Variants in WWOX observed in about 807,000 individuals in gnomAD.
WWOX encodes WW domain containing oxidoreductase.
A neutral mutation model predicts 46.2 loss-of-function variants in WWOX; 69 were observed. The ratio of observed to expected loss-of-function variants is 1.49; its 90% CI spans 1.23 to 1.82. The LOEUF (loss-of-function observed/expected upper bound fraction) is 1.82, where lower values mean the gene tolerates loss of function less well. WWOX is among the 40% of genes most tolerant of loss of function. The probability of loss-of-function intolerance (pLI) is 0.00; values close to 1 mark genes in which losing one functional copy is unlikely to be tolerated. For missense variants in WWOX, 919 were observed against 542.6 expected, an observed-to-expected ratio of 1.69 and a Z score of -6.89; for synonymous variants, 359 against 202.6, an observed-to-expected ratio of 1.77 and a Z score of -6.56.
At chr16:78,602,254 A>G (rs192259721) in intron 8 of WWOX, among the ~76,000 whole-genome samples, 1 of 152,124 alleles carries the variant, frequency 6.6e-6, no homozygotes, top group East Asian at 1.9e-4. Flanking sequence ...TTTTTTTTAG[A>G]CAGAGTCTCG....
intron 8 of WWOX, among the ~76,000 whole-genome samples, chr16:78,852,847 T>G (rs2052480126): frequency 1.3e-5 from 2 of 152,228 alleles, no homozygotes; most frequent in South Asian, 4.1e-4. Flanking sequence ...GCAGAAACTT[T>G]TATACAGTAA....
intron 8 of WWOX, among the ~76,000 whole-genome samples, chr16:78,941,174 T>C (rs940033650): frequency 6.6e-6 from 1 of 152,176 alleles, no homozygotes; most frequent in Non-Finnish European, 1.5e-5. Context: ...CATGAATGAA[T>C]AGGAAATATC....
chr16:78,808,351 T>A (rs7501059), intron 8 of WWOX, among the ~76,000 whole-genome samples: 93,773 of 152,084 alleles, frequency 0.62, 29,373 homozygotes, highest in Middle Eastern at 0.73. Context: ...AGTATTTTAT[T>A]CTAGGTAGGG....
At chr16:78,370,715 C>G (rs887226474) in intron 5 of WWOX, among the ~76,000 whole-genome samples, 3 of 147,612 alleles carry the variant, frequency 2.0e-5, no homozygotes, top group African/African-American at 7.5e-5. Flanking sequence ...CAATTCTGGT[C>G]TTCACCATCT....
At chr16:78,676,759 A>T (rs1228813085) in intron 8 of WWOX, among the ~76,000 whole-genome samples, 1 of 152,194 alleles carries the variant, frequency 6.6e-6, no homozygotes, top group Admixed American at 6.5e-5. Flanking sequence ...GTCTTCTTTT[A>T]TTGAAATAAA....
At chr16:78,839,410 C>A (rs2052078864) in intron 8 of WWOX, among the ~76,000 whole-genome samples, 1 of 152,094 alleles carries the variant, frequency 6.6e-6, no homozygotes, top group Admixed American at 6.5e-5. Context: ...GTTGGTTTGG[C>A]ATTGATTTTG....
At chr16:78,571,103 C>G (rs1389546267) in intron 8 of WWOX, among the ~76,000 whole-genome samples, 1 of 152,130 alleles carries the variant, frequency 6.6e-6, no homozygotes, top group African/African-American at 2.4e-5. Flanking sequence ...AATGGGAAAG[C>G]TTACTGTAGT....
chr16:78,346,210 C>G (rs1292221476), intron 5 of WWOX, among the ~76,000 whole-genome samples: 1 of 121,736 alleles, frequency 8.2e-6, no homozygotes, highest in African/African-American at 2.8e-5. Context: ...CAGTGGCTTA[C>G]TCATTGTCAT....
intron 8 of WWOX, among the ~76,000 whole-genome samples, chr16:78,925,599 C>G (rs759023241): frequency 2.0e-5 from 3 of 152,194 alleles, no homozygotes; most frequent in Non-Finnish European, 4.4e-5. Context: ...GGAGGAGATG[C>G]ACATTTTAAA....
intron 8 of WWOX, among the ~76,000 whole-genome samples, chr16:78,972,711 C>G (rs4888897): frequency 6.6e-6 from 1 of 152,142 alleles, no homozygotes; most frequent in Non-Finnish European, 1.5e-5. Flanking sequence ...CCTCCCTGAC[C>G]TCAGGTCACC....
At chr16:78,236,068 T>G (rs1192293669) in intron 5 of WWOX, among the ~76,000 whole-genome samples, 1 of 152,208 alleles carries the variant, frequency 6.6e-6, no homozygotes, top group Non-Finnish European at 1.5e-5. Context: ...AAACTTTATT[T>G]ATAGGAACAG....
intron 6 of WWOX, among the ~76,000 whole-genome samples, chr16:78,404,981 C>G (rs1352874913): frequency 6.6e-6 from 1 of 152,174 alleles, no homozygotes; most frequent in African/African-American, 2.4e-5. Context: ...TGCATTTTCC[C>G]TAGAAAACCA....
chr16:78,937,358 C>T (rs1017329338), intron 8 of WWOX, among the ~76,000 whole-genome samples: 1 of 150,606 alleles, frequency 6.6e-6, no homozygotes. Context: ...TTAACAAAGA[C>T]ATCCTTTTTC....
At chr16:78,824,203 T>A (rs2051585176) in intron 8 of WWOX, among the ~76,000 whole-genome samples, 1 of 152,226 alleles carries the variant, frequency 6.6e-6, no homozygotes, top group Admixed American at 6.5e-5. Flanking sequence ...CATTTTGCTT[T>A]TTATAAACAG....
intron 8 of WWOX, among the ~76,000 whole-genome samples, chr16:78,570,584 G>C (rs1267566074): frequency 6.6e-6 from 1 of 152,112 alleles, no homozygotes; most frequent in South Asian, 2.1e-4. Context: ...AAAGTACAGG[G>C]ATTATAGGTG....
At chr16:78,579,990 C>T (rs1042254242) in intron 8 of WWOX, among the ~76,000 whole-genome samples, 2 of 152,120 alleles carry the variant, frequency 1.3e-5, no homozygotes, top group Non-Finnish European at 2.9e-5. Context: ...GTTTAAGGCG[C>T]TTGCTCTTCT....
At chr16:78,111,863 T>G (rs1177812142) in intron 3 of WWOX, 1 of 171,986 alleles carries the variant, frequency 5.8e-6, no homozygotes, top group Non-Finnish European at 1.2e-5. Context: ...CTCTCTCTGC[T>G]TCGGCTACCT....
chr16:78,228,041 G>A (rs1467429218), intron 5 of WWOX, among the ~76,000 whole-genome samples: 1 of 152,110 alleles, frequency 6.6e-6, no homozygotes, highest in East Asian at 1.9e-4. Flanking sequence ...ATAGAGTTAT[G>A]GTCATCAAAC....
intron 6 of WWOX, among the ~76,000 whole-genome samples, chr16:78,419,627 A>AAAAAAAAAAAAAAAAAAAAAC (rs2082877132): frequency 1.0e-5 from 1 of 96,788 alleles, no homozygotes; most frequent in South Asian, 3.6e-4. Flanking sequence ...AAAAATAGCA[A>AAAAAAAAAAAAAAAAAAAAAC]AAAAAAAAAA....
Sources: allele counts gnomAD v4.1 joint callset (sites outside exome capture counted in the v4.1 genomes callset), GRCh38; gene constraint gnomAD v4.1.1; transcripts MANE v1.5; gene names NCBI Gene and HGNC (gene_info 2026-07-23, HGNC 2026-07-21).